NSMCE2: variants seen among roughly 807,000 people sequenced by gnomAD.
NSMCE2 encodes the protein E3 SUMO-protein ligase NSE2.
A neutral mutation model predicts 23.8 loss-of-function variants in NSMCE2; 24 were observed. That is an observed-to-expected ratio of 1.01 (90% confidence interval 0.73 to 1.42). The LOEUF is 1.42. Among genes scored for constraint, NSMCE2 ranks in the 40% most tolerant of loss-of-function variants. The probability of loss-of-function intolerance (pLI) is 0.00; values close to 1 mark genes in which losing one functional copy is unlikely to be tolerated. For missense variants in NSMCE2, 284 were observed against 296.5 expected (o/e 0.96, Z 0.31); for synonymous variants, 92 against 94.1 (o/e 0.98, Z 0.13).
At chr8:125,340,263 G>A (rs1166767182) in intron 5 of NSMCE2, among the ~76,000 whole-genome samples, 3 of 152,080 alleles carry the variant, frequency 2.0e-5, no homozygotes, top group Non-Finnish European at 4.4e-5. Flanking sequence ...ATTTAGGGCT[G>A]CAAGTTTGAG....
chr8:125,208,398 C>T (rs1824197878), intron 5 of NSMCE2, among the ~76,000 whole-genome samples: 1 of 152,168 alleles, frequency 6.6e-6, no homozygotes, highest in Non-Finnish European at 1.5e-5. Flanking sequence ...GAAAAAGAAA[C>T]ATGGGACATA....
At position 125,197,200 on chromosome 8, in the gene NSMCE2, A is replaced by C. The variant is rs1335035461; in HGVS notation, c.418+14944A>C. ...TTGCCATGCAGAAGCTCTTTAGTTT[A>C]ATTAGATCCCATTTGTCTATTTTGG... On this transcript the variant is annotated intron_variant, in intron 5 of 7. Coordinates refer to ENST00000287437, the MANE Select transcript of NSMCE2 (RefSeq NM_173685.4). 2.6e-5 allele frequency among the ~76,000 whole-genome samples: 4 copies of C among 152,122 alleles called. No individual in the cohort carries two copies. The East Asian group carries it at 7.7e-4, about 29-fold the overall frequency.
At chr8:125,201,071 A>G (rs1368727934) in intron 5 of NSMCE2, among the ~76,000 whole-genome samples, 1 of 152,150 alleles carries the variant, frequency 6.6e-6, no homozygotes, top group Non-Finnish European at 1.5e-5. Flanking sequence ...TCATTCGTCT[A>G]ACCTTTTTTC....
intron 3 of NSMCE2, among the ~76,000 whole-genome samples, chr8:125,108,044 T>A (rs75328887): frequency 3.4e-5 from 5 of 148,746 alleles, no homozygotes; most frequent in East Asian, 2.0e-4. Context: ...AAAAAAAAAA[T>A]AAAAAAAATT....
intron 5 of NSMCE2, among the ~76,000 whole-genome samples, chr8:125,317,273 C>T (rs1829247055): frequency 6.6e-6 from 1 of 152,002 alleles, no homozygotes; most frequent in Non-Finnish European, 1.5e-5. Context: ...TCACAGCTCA[C>T]TGCAGCCTCA....
chr8:125,272,806 C>T lies in NSMCE2; in HGVS notation c.419-84413C>T, dbSNP rs1006997753. ...ATATATACACATGTGTATATATATA[C>T]ACACACGTATATATATACACATATA... is the stretch of plus-strand genomic sequence containing the variant. On this transcript the variant is annotated intron_variant, in intron 5 of 7. Coordinates refer to ENST00000287437, the MANE Select transcript of NSMCE2 (RefSeq NM_173685.4). Among the ~76,000 whole-genome samples the T allele has an allele frequency of 2.2e-5, 3 of 136,016 alleles. No homozygotes were observed. In the South Asian group the frequency reaches 6.6e-4, roughly 30 times the overall value. 89.2% of individuals were successfully genotyped at this position (136,016 alleles called of 152,430 possible).
intron 5 of NSMCE2, among the ~76,000 whole-genome samples, chr8:125,223,930 T>C (rs1824984370): frequency 1.3e-5 from 2 of 151,480 alleles, no homozygotes; most frequent in Non-Finnish European, 2.9e-5. Flanking sequence ...TTGATCTTCC[T>C]GGTTCAAGAG....
chr8:125,196,732 G>A (rs558636436), intron 5 of NSMCE2, among the ~76,000 whole-genome samples: 1 of 152,256 alleles, frequency 6.6e-6, no homozygotes, highest in Admixed American at 6.5e-5. Context: ...TGGGATCGCT[G>A]GGTCAAATGG....
At chr8:125,327,282 AAAAAG>A (rs1829708164) in intron 5 of NSMCE2, among the ~76,000 whole-genome samples, 2 of 150,846 alleles carry the variant, frequency 1.3e-5, no homozygotes, top group Non-Finnish European at 3.0e-5. Context: ...AAAAAAAAAA[AAAAAG>A]AGAGAGAAAC....
At chr8:125,299,054 C>T (rs1828448077) in intron 5 of NSMCE2, among the ~76,000 whole-genome samples, 1 of 152,164 alleles carries the variant, frequency 6.6e-6, no homozygotes, top group South Asian at 2.1e-4. Flanking sequence ...AAATAATGTT[C>T]TGTTATTTTC....
At chr8:125,263,142 G>A (rs1216774113) in intron 5 of NSMCE2, among the ~76,000 whole-genome samples, 1 of 152,202 alleles carries the variant, frequency 6.6e-6, no homozygotes. Context: ...TAATGATTAA[G>A]TGCTCAGATT....
chr8:125,114,755 A>G (rs1818915002), intron 3 of NSMCE2, among the ~76,000 whole-genome samples: 1 of 152,250 alleles, frequency 6.6e-6, no homozygotes, highest in South Asian at 2.1e-4. Context: ...TGATACACAC[A>G]CTAATGTATG....
At chr8:125,328,812 T>C (rs1217024252) in intron 5 of NSMCE2, among the ~76,000 whole-genome samples, 2 of 151,688 alleles carry the variant, frequency 1.3e-5, no homozygotes, top group East Asian at 1.9e-4. Flanking sequence ...AGGGGAGTTA[T>C]AATCTTAAAA....
In NSMCE2 at chr8:125,295,864, T is replaced by C. The variant is rs528173563; in HGVS notation, c.419-61355T>C. On this transcript the variant is annotated intron_variant, in intron 5 of 7. Transcript: ENST00000287437. ...AGCATTCTATTGACTAAAATATTAT[T>C]TTGGATGAAACTGAAGCATATCATG... Among the ~76,000 whole-genome samples the C allele has an allele frequency of 5.3e-5, 8 of 152,336 alleles. 1 individual carries two copies. The East Asian group carries it at 1.5e-3, about 29-fold the overall frequency.
In NSMCE2 at chr8:125,324,699, C is replaced by T. The variant is rs867647985; in HGVS notation, c.419-32520C>T. ...ACGCCATTCTCCTGCCTCAGCCTCCCGAGTAGCTGGGACTACAGGCGCCCG... is the reference window on the plus strand; with the variant it reads ...ACGCCATTCTCCTGCCTCAGCCTCCTGAGTAGCTGGGACTACAGGCGCCCG... On this transcript the variant is annotated intron_variant, in intron 5 of 7. Coordinates refer to ENST00000287437, the MANE Select transcript of NSMCE2 (RefSeq NM_173685.4). 2.6e-4 allele frequency among the ~76,000 whole-genome samples: 26 copies of T among 101,552 alleles called. 2 individuals are homozygous for T. Among genetic ancestry groups the T allele is most frequent in the African/African-American group, 5.8e-4 (21 of 36,146 alleles). 66.6% of individuals were successfully genotyped at this position (101,552 alleles called of 152,430 possible).
intron 4 of NSMCE2, among the ~76,000 whole-genome samples, chr8:125,161,233 G>T (rs1252372188): frequency 6.6e-6 from 1 of 151,914 alleles, no homozygotes; most frequent in Non-Finnish European, 1.5e-5. Flanking sequence ...CTTCTTTTGT[G>T]TTGTGGCCAG....
intron 5 of NSMCE2, among the ~76,000 whole-genome samples, chr8:125,223,938 G>T (rs1298556801): frequency 6.6e-6 from 1 of 150,710 alleles, no homozygotes; most frequent in Admixed American, 6.7e-5. Context: ...CCTGGTTCAA[G>T]AGATTCTCCC....
chr8:125,177,049 A>T (rs1203801221), intron 4 of NSMCE2, among the ~76,000 whole-genome samples: 1 of 152,226 alleles, frequency 6.6e-6, no homozygotes, highest in Non-Finnish European at 1.5e-5. Flanking sequence ...TTCTCAAATG[A>T]AATTTGTTAC....
At chr8:125,146,899 A>G (rs1371994247) in intron 3 of NSMCE2, among the ~76,000 whole-genome samples, 1 of 152,164 alleles carries the variant, frequency 6.6e-6, no homozygotes, top group African/African-American at 2.4e-5. Flanking sequence ...AGTATAAAAA[A>G]AACAAAACAA....
Sources: allele counts gnomAD v4.1 joint callset (sites outside exome capture counted in the v4.1 genomes callset), GRCh38; gene constraint gnomAD v4.1.1; transcripts MANE v1.5; gene names NCBI Gene and HGNC (gene_info 2026-07-23, HGNC 2026-07-21).